Variants in COBLL1 observed in about 807,000 individuals in gnomAD.
COBLL1 encodes cordon-bleu protein-like 1.
In COBLL1, 50 loss-of-function variants were observed where a neutral mutation model predicts 94.8. The ratio of observed to expected loss-of-function variants is 0.53; its 90% CI spans 0.42 to 0.67. The LOEUF (loss-of-function observed/expected upper bound fraction) is 0.67. COBLL1 is among the 30% of genes least tolerant of loss of function. The pLI is 0.00. For synonymous variants in COBLL1, 448 were observed against 473.8 expected, an observed-to-expected ratio of 0.95 and a Z score of 0.71; for missense variants, 1,362 against 1,348.7, an observed-to-expected ratio of 1.01 and a Z score of -0.15.
intron 7 of COBLL1, among the ~76,000 whole-genome samples, chr2:164,709,806 G>C: frequency 6.6e-6 from 1 of 152,178 alleles, no homozygotes; most frequent in East Asian, 1.9e-4. Flanking sequence ...ACAATTATGT[G>C]GTCTGTCATA....
intron 2 of COBLL1, among the ~76,000 whole-genome samples, chr2:164,789,144 T>C (rs1344992901): frequency 6.6e-6 from 1 of 151,476 alleles, no homozygotes; most frequent in African/African-American, 2.4e-5. Context: ...GGAGTTCAAA[T>C]CCAGCCTGGA....
At chr2:164,694,242 A>G in intron 12 of COBLL1, 27 bp downstream of exon 12, 1 of 1,582,376 alleles carries the variant, frequency 6.3e-7, no homozygotes, top group Middle Eastern at 1.7e-4. Flanking sequence ...AAATTTGAAT[A>G]CTTATTTTTA....
chr2:164,733,925 G>A (rs902443738), intron 3 of COBLL1, among the ~76,000 whole-genome samples: 1 of 152,118 alleles, frequency 6.6e-6, no homozygotes, highest in East Asian at 1.9e-4. Flanking sequence ...TTGGTGAATG[G>A]CTGCCATACT....
intron 2 of COBLL1, among the ~76,000 whole-genome samples, chr2:164,773,010 T>A (rs355859): frequency 0.23 from 35,348 of 151,716 alleles, 4,780 homozygotes; most frequent in African/African-American, 0.37. Flanking sequence ...CTAAGGTTCA[T>A]GTGCTAAAGG....
At chr2:164,808,256 T>C (rs767271741) in intron 2 of COBLL1, among the ~76,000 whole-genome samples, 1 of 152,220 alleles carries the variant, frequency 6.6e-6, no homozygotes, top group Non-Finnish European at 1.5e-5. Flanking sequence ...ACATTTTACC[T>C]CAGTTTGATG....
At chr2:164,805,337 C>CTATATA (rs71028444) in intron 2 of COBLL1, among the ~76,000 whole-genome samples, 424 of 17,024 alleles carry the variant, frequency 0.025, 56 homozygotes, top group South Asian at 0.033. Context: ...CTCTCTCTCT[C>CTATATA]TATATATATA....
At chr2:164,706,897 T>A (rs1341702853) in intron 7 of COBLL1, among the ~76,000 whole-genome samples, 1 of 152,190 alleles carries the variant, frequency 6.6e-6, no homozygotes. Context: ...TAGGTAACTT[T>A]GGTCAAAACC....
intron 4 of COBLL1, 54 bp downstream of exon 4, chr2:164,729,860 T>A (rs1470156080): frequency 7.1e-7 from 1 of 1,407,946 alleles, no homozygotes; most frequent in African/African-American, 1.4e-5. Context: ...TCACTTACAA[T>A]GAGCTGCTGA....
intron 2 of COBLL1, among the ~76,000 whole-genome samples, chr2:164,818,162 G>T (rs547670547): frequency 6.6e-6 from 1 of 150,436 alleles, no homozygotes; most frequent in Admixed American, 6.6e-5. Context: ...ATACGTGTAT[G>T]TATACATGCA....
At chr2:164,826,895 CG>C (rs751205051) in intron 2 of COBLL1, among the ~76,000 whole-genome samples, 20 of 115,178 alleles carry the variant, frequency 1.7e-4, no homozygotes, top group African/African-American at 4.7e-4. Context: ...GTCTTTGTTT[CG>C]TTTTTTTTTT....
At chr2:164,725,867 A>G (rs1685702192) in intron 5 of COBLL1, among the ~76,000 whole-genome samples, 1 of 152,212 alleles carries the variant, frequency 6.6e-6, no homozygotes, top group African/African-American at 2.4e-5. Context: ...GCTTACTTAG[A>G]AAAGCAACTC....
At chr2:164,769,272 C>G (rs1467067185) in intron 2 of COBLL1, among the ~76,000 whole-genome samples, 1 of 152,124 alleles carries the variant, frequency 6.6e-6, no homozygotes, top group South Asian at 2.1e-4. Flanking sequence ...AAAACAAGAA[C>G]CTGCACAAAG....
intron 2 of COBLL1, among the ~76,000 whole-genome samples, chr2:164,816,754 T>G (rs146310529): frequency 4.6e-5 from 7 of 152,258 alleles, no homozygotes; most frequent in African/African-American, 1.4e-4. Context: ...CAGGAGTTGC[T>G]AAGTAGAGGT....
downstream of COBLL1, among the ~76,000 whole-genome samples, chr2:164,679,779 C>A (rs1430598568): frequency 1.4e-5 from 1 of 72,628 alleles, no homozygotes; most frequent in African/African-American, 5.4e-5. Context: ...CTGGGCCTCT[C>A]GGGGGGTGGG....
At chr2:164,834,643 G>A (rs1429224636) in intron 2 of COBLL1, among the ~76,000 whole-genome samples, 1 of 151,866 alleles carries the variant, frequency 6.6e-6, no homozygotes, top group African/African-American at 2.4e-5. Context: ...TAGAGCCAGA[G>A]GGCAAATATT....
chr2:164,752,804 G>A (rs1259020338), intron 2 of COBLL1, among the ~76,000 whole-genome samples: 1 of 152,156 alleles, frequency 6.6e-6, no homozygotes, highest in Non-Finnish European at 1.5e-5. Context: ...AGGCCTGGGA[G>A]TATCCTAAAT....
chr2:164,694,844 C>A lies in COBLL1; in HGVS notation c.2548G>T (p.Glu850Ter), dbSNP rs1683828975. 1 of 1,613,800 alleles carries A rather than the reference C, an allele frequency of 6.2e-7. No homozygotes were observed. Among genetic ancestry groups the A allele is most frequent in the Non-Finnish European group, 8.5e-7 (1 of 1,179,918 alleles). Residue 850 changes from glutamate (E) to a stop codon, truncating the protein, a stop_gained, in exon 12 of 14, where the codon GAA becomes TAA. Transcript: ENST00000652658. LOFTEE classifies it high-confidence loss of function. ...PNLEEINNIL[E>*]SKFKSRASNA... is the part of the protein sequence containing the mutation. ...GAAGCCCGAGATTTAAATTTTGATT[C>A]CAAAATATTGTTTATTTCTTCCAAA...
rs553682125 is a variant in COBLL1 at position 164,762,318 on chromosome 2, T to C, written c.42-18443A>G. ...AAAATAAAAGTCAACTGAGCATGTG[T>C]GTTTGAAGGAGGACAAGTCTATGAC... On this transcript the variant is annotated intron_variant, in intron 2 of 13. Coordinates refer to ENST00000652658, the MANE Select transcript of COBLL1 (RefSeq NM_001365672.2). Among the ~76,000 whole-genome samples, 4 of 152,274 alleles carry C rather than the reference T, an allele frequency of 2.6e-5. No individual in the cohort carries two copies. In the East Asian group the frequency reaches 7.7e-4, roughly 29 times the overall value.
rs1196475769 is a variant in COBLL1, at chr2:164,694,159, A to G, written c.3123+110T>C. 5 of 1,040,254 alleles carry G rather than the reference A, an allele frequency of 4.8e-6. No homozygotes were observed. The East Asian group carries it at 9.6e-5, about 20-fold the overall frequency. The allele number at this position is 1,040,254 out of a possible 1,614,324, so 64.4% of individuals were successfully genotyped here. ...CTTCACTACAATAGCTTAATTTCAG[A>G]TGAATATGAGTTCAGAGTTAAGTAG... On this transcript the variant is annotated intron_variant, in intron 12 of 13. Coordinates refer to ENST00000652658, the MANE Select transcript of COBLL1 (RefSeq NM_001365672.2).
Sources: allele counts gnomAD v4.1 joint callset (sites outside exome capture counted in the v4.1 genomes callset), GRCh38; gene constraint gnomAD v4.1.1; transcripts MANE v1.5; gene names NCBI Gene and HGNC (gene_info 2026-07-23, HGNC 2026-07-21).